Variants in OCIAD1 observed in about 807,000 individuals in gnomAD.
OCIAD1 encodes OCIA domain-containing protein 1.
OCIAD1 carries 29 observed loss-of-function variants against 38.9 expected under a neutral mutation model. The observed-to-expected ratio is 0.74, with a 90% CI of 0.55 to 1.02. The LOEUF is 1.02. Among genes scored for constraint, OCIAD1 ranks in the 50% least tolerant of loss-of-function variants. The pLI is 0.00. For missense variants in OCIAD1, 288 were observed against 289.6 expected (o/e 0.99, Z 0.04); for synonymous variants, 110 against 92.0 (o/e 1.20, Z -1.12).
rs1779517361 is a variant in OCIAD1, at chr4:48,851,922, GTTC to G, written c.499_501del (p.Ser167del). 7 of 1,606,260 alleles carry G rather than the reference GTTC, an allele frequency of 4.4e-6. No homozygotes were observed. The Admixed American group carries it at 5.0e-5, about 11-fold the overall frequency. ...CCTCATTATGAGCCAATTCCATTCA[GTTC>G]TTCTATGAATGAATCTGCTCCCACT... On this transcript the variant is annotated inframe_deletion, in exon 7 of 9. Transcript: ENST00000264312.
intron 1 of OCIAD1, among the ~76,000 whole-genome samples, chr4:48,823,446 C>T (rs1193676503): frequency 2.5e-4 from 38 of 151,496 alleles, no homozygotes; most frequent in South Asian, 1.3e-3. Flanking sequence ...CTAATGGATG[C>T]GGCGTTTAAA....
intron 1 of OCIAD1, among the ~76,000 whole-genome samples, chr4:48,811,000 C>T (rs1432199856): frequency 1.3e-5 from 2 of 150,534 alleles, no homozygotes; most frequent in Non-Finnish European, 1.5e-5. Flanking sequence ...GGACCACAGG[C>T]ACACACTACC....
intron 3 of OCIAD1, among the ~76,000 whole-genome samples, chr4:48,838,242 C>T (rs1429503889): frequency 1.3e-5 from 2 of 151,204 alleles, no homozygotes; most frequent in East Asian, 1.9e-4. Context: ...CGCTTGAACC[C>T]GGGAGGCAGA....
intron 1 of OCIAD1, among the ~76,000 whole-genome samples, chr4:48,810,255 G>A (rs958195935): frequency 6.6e-6 from 1 of 151,686 alleles, no homozygotes; most frequent in Non-Finnish European, 1.5e-5. Context: ...GGATCACGAG[G>A]TCAGGAGATC....
chr4:48,837,903 G>C (rs770185398), intron 3 of OCIAD1, among the ~76,000 whole-genome samples: 1 of 152,104 alleles, frequency 6.6e-6, no homozygotes, highest in Non-Finnish European at 1.5e-5. Context: ...TACATTAAAG[G>C]GTAGTGAACA....
intron 1 of OCIAD1, among the ~76,000 whole-genome samples, chr4:48,823,824 C>CTTTT (rs71660459): frequency 0.057 from 3,996 of 70,090 alleles, 715 homozygotes; most frequent in Middle Eastern, 0.091. Context: ...CAATGCCTGG[C>CTTTT]TTTTTTTTTT....
At chr4:48,809,481 G>A (rs1777063931) in intron 1 of OCIAD1, among the ~76,000 whole-genome samples, 1 of 152,024 alleles carries the variant, frequency 6.6e-6, no homozygotes, top group Admixed American at 6.6e-5. Flanking sequence ...AGTCAAGATT[G>A]CGCCACTGCA....
At chr4:48,816,107 T>C (rs1224233383) in intron 1 of OCIAD1, among the ~76,000 whole-genome samples, 1 of 152,244 alleles carries the variant, frequency 6.6e-6, no homozygotes, top group Admixed American at 6.5e-5. Flanking sequence ...ATTACCTTCT[T>C]CCTGCTAGTC....
chr4:48,852,875 G>GTTTTTTGTTTTTT (rs1553901178), intron 7 of OCIAD1, among the ~76,000 whole-genome samples: 770 of 69,096 alleles, frequency 0.011, 26 homozygotes, highest in African/African-American at 0.052. Context: ...GTTTTTTTTT[G>GTTTTTTGTTTTTT]TTTTTTGTTT....
At chr4:48,841,396 C>T (rs546981359) in intron 3 of OCIAD1, among the ~76,000 whole-genome samples, 72 of 152,280 alleles carry the variant, frequency 4.7e-4, no homozygotes, top group African/African-American at 1.6e-3. Context: ...GGGTGAAGTC[C>T]GGCGGAAACC....
intron 7 of OCIAD1, 111 bp from the exon 8 acceptor site, chr4:48,857,098 ATTCT>A (rs1428322486): frequency 4.0e-5 from 20 of 503,142 alleles, no homozygotes; most frequent in Non-Finnish European, 6.0e-5. Context: ...TAATAATTTG[ATTCT>A]TTATTCTATT....
chr4:48,831,096 G>A lies in OCIAD1; in HGVS notation c.-159G>A. The A allele has an allele frequency of 3.8e-6, 1 of 260,204 alleles. No homozygotes were observed. 16.1% of individuals were successfully genotyped at this position (260,204 alleles called of 1,614,324 possible). ...CGGGTCGCGGTCATTTTGAGCCCCT[G>A]TCTGGATGACTTCTTGCGGCTGTTC... On this transcript the variant is annotated 5_prime_UTR_variant, in exon 1 of 9. Transcript: ENST00000264312.
intron 1 of OCIAD1, among the ~76,000 whole-genome samples, chr4:48,808,413 T>G (rs979746761): frequency 1.3e-5 from 2 of 151,720 alleles, no homozygotes; most frequent in Non-Finnish European, 2.9e-5. Context: ...GAGGCTACAG[T>G]GAATGGTGAT....
intron 7 of OCIAD1, 166 bp from the exon 8 acceptor site, chr4:48,857,044 TTGA>T: frequency 8.2e-6 from 3 of 365,544 alleles, no homozygotes; most frequent in Non-Finnish European, 1.5e-5. Context: ...AGATTTCAGT[TTGA>T]TGATTATCTT....
At chr4:48,839,435 C>CAAAAA (rs34347200) in intron 3 of OCIAD1, among the ~76,000 whole-genome samples, 1 of 119,228 alleles carries the variant, frequency 8.4e-6, no homozygotes, top group Non-Finnish European at 1.7e-5. Context: ...GACTTCATCT[C>CAAAAA]AAAAAAAAAA....
At chr4:48,849,018 CATT>C (rs894533023) in intron 5 of OCIAD1, among the ~76,000 whole-genome samples, 2 of 152,042 alleles carry the variant, frequency 1.3e-5, no homozygotes, top group South Asian at 2.1e-4. Flanking sequence ...AGCTGGGAAC[CATT>C]ATTATCAGCA....
chr4:48,809,606 AC>A (rs1383625330), intron 1 of OCIAD1, among the ~76,000 whole-genome samples: 7 of 152,178 alleles, frequency 4.6e-5, no homozygotes, highest in Non-Finnish European at 2.9e-5. Flanking sequence ...CCTTCATGAT[AC>A]GGCCTCTGTC....
At chr4:48,842,151 AAC>A (rs987064409) in intron 3 of OCIAD1, among the ~76,000 whole-genome samples, 2 of 152,228 alleles carry the variant, frequency 1.3e-5, no homozygotes, top group African/African-American at 4.8e-5. Flanking sequence ...GGGTGGTAAT[AAC>A]ATTATCTACC....
Position 48,851,980 on chromosome 4 carries a change from AAACTT to A in OCIAD1, c.547+6_547+10del. ...TTACTGATCATATTGTCCAAGGTAG[AAACTT>A]CTCTTGAAATGAATTTCAACATTTT... On this transcript the variant is annotated splice_donor_region_variant and intron_variant, in intron 7 of 8. Coordinates refer to ENST00000264312, the MANE Select transcript of OCIAD1 (RefSeq NM_017830.4). The A allele has an allele frequency of 6.3e-7, 1 of 1,586,088 alleles. No individual in the cohort carries two copies. Among genetic ancestry groups the A allele is most frequent in the African/African-American group, 1.4e-5 (1 of 73,870 alleles).
Sources: gnomAD v4.1 joint callset for allele counts (sites outside exome capture counted in the v4.1 genomes callset) on GRCh38, gnomAD v4.1.1 for gene constraint, MANE v1.5 for transcripts, NCBI Gene and HGNC (gene_info 2026-07-23, HGNC 2026-07-21) for gene names.